PPP2R5C: variants seen among roughly 807,000 people sequenced by gnomAD.
PPP2R5C encodes the protein protein phosphatase 2 regulatory subunit B'gamma.
Under a neutral mutation model 68.9 loss-of-function variants are expected in PPP2R5C, and 7 were observed. That is an observed-to-expected ratio of 0.10 (90% CI 0.06 to 0.19). The LOEUF (loss-of-function observed/expected upper bound fraction) is 0.19, where lower values mean the gene tolerates loss of function less well. Ranked by LOEUF, PPP2R5C falls within the 10% of genes least tolerant of loss-of-function variation. The probability of loss-of-function intolerance (pLI) is 1.00; values close to 1 mark genes in which losing one functional copy is unlikely to be tolerated. For synonymous variants in PPP2R5C, 210 were observed against 222.2 expected, an observed-to-expected ratio of 0.95 and a Z score of 0.49; for missense variants, 348 against 641.3, an observed-to-expected ratio of 0.54 and a Z score of 4.94.
intron 5 of PPP2R5C, among the ~76,000 whole-genome samples, chr14:101,883,843 A>T (rs2140906071): frequency 6.6e-6 from 1 of 152,310 alleles, no homozygotes; most frequent in African/African-American, 2.4e-5. Flanking sequence ...GTTTCTACTG[A>T]AAGGTCAAGT....
intron 1 of PPP2R5C, chr14:101,819,812 TG>T (rs1185916286): frequency 6.6e-6 from 1 of 152,584 alleles, no homozygotes; most frequent in Non-Finnish European, 1.5e-5. Context: ...TTGGTAGAGC[TG>T]GGGTCTCACT....
chr14:101,787,766 C>CAA (rs756927904), intron 3 of PPP2R5C, among the ~76,000 whole-genome samples: 77 of 69,200 alleles, frequency 1.1e-3, no homozygotes, highest in Non-Finnish European at 1.6e-3. Context: ...GACTCCATCT[C>CAA]AAAAAAAAAA....
chr14:101,835,739 C>T lies in PPP2R5C; in HGVS notation c.95-20947C>T, dbSNP rs528894882. ...GGGACCAGTAGCATGTGTGGGACCA[C>T]GCCGCCTGCACAGCCGTCCCCTCAC... On this transcript the variant is annotated intron_variant, in intron 1 of 13. Coordinates refer to ENST00000334743, the Ensembl canonical transcript of PPP2R5C. This position sits in a 1 kb window ranked among gnomAD's most constrained non-coding sequence, Gnocchi z 5.0. Among the ~76,000 whole-genome samples, 31 of 152,348 alleles carry T rather than the reference C, an allele frequency of 2.0e-4. No individual in the cohort carries two copies. Among genetic ancestry groups the T allele is most frequent in the East Asian group, 1.9e-3 (10 of 5,174 alleles).
intron 8 of PPP2R5C, among the ~76,000 whole-genome samples, chr14:101,898,921 G>A (rs1198368617): frequency 6.6e-6 from 1 of 152,142 alleles, no homozygotes; most frequent in African/African-American, 2.4e-5. Context: ...TGGTGCAGGT[G>A]TACATCTCTT....
rs774369537 is a variant in PPP2R5C at position 101,913,627 on chromosome 14, G to A, written c.1326+1154G>A. Among the ~76,000 whole-genome samples the A allele has an allele frequency of 1.4e-4, 21 of 152,174 alleles. No homozygotes were observed. The highest frequency in any genetic ancestry group is 1.0e-4 in the Non-Finnish European group (7 of 68,036). ...TTAATTGAGGTAGGTAGCTATAGGCGTCTCCTTTTAACGAATTGAATTTAT... is the reference window on the plus strand; with the variant it reads ...TTAATTGAGGTAGGTAGCTATAGGCATCTCCTTTTAACGAATTGAATTTAT... On this transcript the variant is annotated intron_variant, in intron 12 of 13. Transcript: ENST00000334743. The surrounding 1 kb of genome is among the most constrained non-coding windows in gnomAD (Gnocchi z 4.1).
chr14:101,862,061 C>T (rs2042775138), intron 2 of PPP2R5C, among the ~76,000 whole-genome samples: 1 of 152,162 alleles, frequency 6.6e-6, no homozygotes, highest in Non-Finnish European at 1.5e-5. Context: ...CACAGGCTTG[C>T]ACCACCATAC....
intron 2 of PPP2R5C, among the ~76,000 whole-genome samples, chr14:101,857,167 A>G (rs933792430): frequency 2.0e-5 from 3 of 152,206 alleles, no homozygotes; most frequent in African/African-American, 7.2e-5. Flanking sequence ...TAGAATTTGT[A>G]TTTCTATTTA....
At chr14:101,890,175 C>T (rs1027983460) in intron 5 of PPP2R5C, 62 bp from the exon 8 acceptor site, 5 of 1,440,808 alleles carry the variant, frequency 3.5e-6, no homozygotes, top group Non-Finnish European at 4.9e-6. Context: ...CCTCCTAGAG[C>T]ATTGTTTTCT....
chr14:101,861,815 ATCT>A (rs1421007459), intron 2 of PPP2R5C, among the ~76,000 whole-genome samples: 3 of 152,258 alleles, frequency 2.0e-5, no homozygotes, highest in Non-Finnish European at 2.9e-5. Context: ...TTTGGCAGGC[ATCT>A]TCTGAAAAAA....
At chr14:101,816,458 C>T (rs951512294) in intron 1 of PPP2R5C, among the ~76,000 whole-genome samples, 3 of 152,082 alleles carry the variant, frequency 2.0e-5, no homozygotes, top group African/African-American at 7.2e-5. Flanking sequence ...AGAAAAAAGA[C>T]TAAAGAGATA....
chr14:101,892,770 C>T (rs556123075), intron 6 of PPP2R5C, among the ~76,000 whole-genome samples: 1 of 152,184 alleles, frequency 6.6e-6, no homozygotes, highest in African/African-American at 2.4e-5. Context: ...AACAGTGGCT[C>T]TTCACAGGTG....
chr14:101,865,101 T>C (rs1392747326), intron 2 of PPP2R5C, among the ~76,000 whole-genome samples: 1 of 152,168 alleles, frequency 6.6e-6, no homozygotes, highest in African/African-American at 2.4e-5. Context: ...GCAAGTGGAA[T>C]GCTGGTTCAG....
At chr14:101,760,654 C>T, upstream of PPP2R5C, 1 of 516,424 alleles carries the variant, frequency 1.9e-6, no homozygotes, top group Non-Finnish European at 2.2e-6. Flanking sequence ...CTGCGGAGGG[C>T]GGGACCAACC....
intron 2 of PPP2R5C, among the ~76,000 whole-genome samples, chr14:101,868,444 C>A (rs1313100369): frequency 6.6e-6 from 1 of 152,146 alleles, no homozygotes; most frequent in Non-Finnish European, 1.5e-5. Flanking sequence ...CCAGTTCTAC[C>A]CATCTCTACC....
At chr14:101,780,484 G>T (rs2037621413) in intron 2 of PPP2R5C, among the ~76,000 whole-genome samples, 1 of 152,270 alleles carries the variant, frequency 6.6e-6, no homozygotes, top group South Asian at 2.1e-4. Flanking sequence ...CGCTTGGGGG[G>T]AGGGGCTGCT....
At chr14:101,868,651 GT>G (rs1280350431) in intron 2 of PPP2R5C, among the ~76,000 whole-genome samples, 5 of 152,234 alleles carry the variant, frequency 3.3e-5, no homozygotes, top group African/African-American at 1.2e-4. Flanking sequence ...GTTTTCAGAT[GT>G]CCAAACTTGT....
chr14:101,770,956 G>T (rs2139969475), intron 2 of PPP2R5C, among the ~76,000 whole-genome samples: 1 of 152,350 alleles, frequency 6.6e-6, no homozygotes, highest in East Asian at 1.9e-4. Context: ...CTTAAACACT[G>T]GGTACCTGCC....
chr14:101,893,806 T>C (rs1434626712), intron 7 of PPP2R5C, among the ~76,000 whole-genome samples: 1 of 152,240 alleles, frequency 6.6e-6, no homozygotes, highest in Non-Finnish European at 1.5e-5. Flanking sequence ...ACTGTAGTAA[T>C]CTAAGTACAG....
intron 1 of PPP2R5C, among the ~76,000 whole-genome samples, chr14:101,837,050 A>T (rs879577110): frequency 1.3e-5 from 2 of 152,244 alleles, no homozygotes; most frequent in African/African-American, 2.4e-5. Context: ...TGTGGTAGAC[A>T]TAAGTTGTTA....
Sources: gnomAD v4.1 joint callset for allele counts (sites outside exome capture counted in the v4.1 genomes callset) on GRCh38, gnomAD v4.1.1 for gene constraint, Gnocchi (gnomAD v3.1) non-coding constraint, MANE v1.5 for transcripts, NCBI Gene and HGNC (gene_info 2026-07-23, HGNC 2026-07-21) for gene names.